The following PLEKHG3 variants were observed in gnomAD, a reference collection of about 807,000 sequenced individuals.
The protein encoded by PLEKHG3 is pleckstrin homology domain-containing family G member 3.
Under a neutral mutation model 94.9 loss-of-function variants are expected in PLEKHG3, and 62 were observed. The ratio of observed to expected loss-of-function variants is 0.65; its 90% CI spans 0.53 to 0.81. The LOEUF (loss-of-function observed/expected upper bound fraction) is 0.81. Ranked by LOEUF, PLEKHG3 falls within the 30% of genes least tolerant of loss-of-function variation. The probability of loss-of-function intolerance (pLI) is 0.00; values close to 1 mark genes in which losing one functional copy is unlikely to be tolerated. For missense variants in PLEKHG3, 1,461 were observed against 1,619.3 expected, an observed-to-expected ratio of 0.90 and a Z score of 1.68; for synonymous variants, 614 against 654.0, an observed-to-expected ratio of 0.94 and a Z score of 0.93.
At position 64,741,454 on chromosome 14, in the gene PLEKHG3, G is replaced by A. The variant is rs766416757; in HGVS notation, c.1937G>A (p.Gly646Asp). The A allele has an allele frequency of 1.2e-5, 20 of 1,612,620 alleles. 1 individual carries two copies. In the South Asian group the frequency reaches 2.1e-4, roughly 17 times the overall value. Residue 646 changes from glycine to aspartate, a missense_variant, in exon 16 of 17, where the codon GGC becomes GAC. Coordinates refer to ENST00000247226, the MANE Select transcript of PLEKHG3 (RefSeq NM_001308147.2). Reference protein sequence around the residue: ...SRSSSVLSLEGSEKGLARHGS... With the variant: ...SRSSSVLSLEDSEKGLARHGS... ...AGCAGCAGCGTGCTCAGCCTGGAGG[G>A]CAGCGAGAAGGGCCTGGCCCGGCAT...
In PLEKHG3 at chr14:64,727,784, C is replaced by T. The variant is rs376705238; in HGVS notation, c.153C>T (p.Gly51=). The part of the protein sequence containing the change: ...SSEAPAKNGA[G]SLRSRHLPNS... Reference sequence around the variant, plus strand: ...AGGCTCCCGCCAAGAATGGGGCAGGCTCCCTGAGAAGCCGGCATCTGCCCA... The same window carrying T: ...AGGCTCCCGCCAAGAATGGGGCAGGTTCCCTGAGAAGCCGGCATCTGCCCA... The change falls in exon 2 of 17, where the codon GGC becomes GGT. Residue 51 remains glycine (G), a synonymous_variant. Transcript: ENST00000247226. The surrounding 1 kb of genome is among the most constrained non-coding windows in gnomAD (Gnocchi z 6.0). 10 of 1,610,312 alleles carry T rather than the reference C, an allele frequency of 6.2e-6. No homozygotes were observed. Among genetic ancestry groups the T allele is most frequent in the African/African-American group, 5.3e-5 (4 of 74,918 alleles).
At position 64,733,027 on chromosome 14, in the gene PLEKHG3, G is replaced by A. The variant is rs990434436; in HGVS notation, c.1345+126G>A. On this transcript the variant is annotated intron_variant, in intron 12 of 16. Coordinates refer to ENST00000247226, the MANE Select transcript of PLEKHG3 (RefSeq NM_001308147.2). ...CGGAAACCCTGGGAAAGGCTAGAGCGGGGCTGGACACACACCTGGGGCTCA... is the reference window on the plus strand; with the variant it reads ...CGGAAACCCTGGGAAAGGCTAGAGCAGGGCTGGACACACACCTGGGGCTCA... 7 of 635,860 alleles carry A rather than the reference G, an allele frequency of 1.1e-5. No homozygotes were observed. The East Asian group carries it at 1.1e-4, about 10-fold the overall frequency. 39.4% of individuals were successfully genotyped at this position (635,860 alleles called of 1,614,324 possible). A position where few individuals can be genotyped will look rare whatever the true frequency, so the allele number is the denominator to read the frequency against.
rs749971680 is a variant in PLEKHG3 at position 64,741,612 on chromosome 14, C to T, written c.2095C>T (p.Arg699Trp). Residue 699 changes from arginine (R) to tryptophan (W), a missense_variant, in exon 16 of 17, where the codon CGG becomes TGG. Physicochemically the swap from Arg to Trp is moderately radical, Grantham distance 101 (BLOSUM62 -3). Coordinates refer to ENST00000247226, the MANE Select transcript of PLEKHG3 (RefSeq NM_001308147.2). ...CCCAGGCTGCCCAGTGGAGCCTGAC[C>T]GGTCTTCCTGCAAGAAGAAGGAATC... ...PSPGCPVEPD[R>W]SSCKKKESAL... The T allele has an allele frequency of 2.2e-5, 36 of 1,612,798 alleles. No homozygotes were observed. The South Asian group carries it at 2.3e-4, about 10-fold the overall frequency.
rs1409947945 is a variant in PLEKHG3, at chr14:64,742,423, A to G, written c.2906A>G (p.Gln969Arg). 2.5e-6 allele frequency: 4 copies of G among 1,611,320 alleles called. No individual in the cohort carries two copies. The highest frequency in any genetic ancestry group is 1.3e-5 in the African/African-American group (1 of 74,908). Residue 969 changes from glutamine (Q) to arginine (R), a missense_variant, in exon 16 of 17, where the codon CAG (glutamine) becomes CGG (arginine). Gln to Arg is a conservative substitution (Grantham distance 43). Coordinates refer to ENST00000247226, the MANE Select transcript of PLEKHG3 (RefSeq NM_001308147.2). ...AAGAGCCCCACTGTGCCCTGTCTAC[A>G]GGAAGAGGCTGGAGAGCCATTAGGT... Reference protein sequence around the residue: ...DGKSPTVPCLQEEAGEPLGGK... With the variant: ...DGKSPTVPCLREEAGEPLGGK...
intron 14 of PLEKHG3, chr14:64,737,977 TGGAGGAGGAGGA>T (rs376123381): frequency 7.5e-6 from 9 of 1,195,832 alleles, no homozygotes; most frequent in Non-Finnish European, 9.7e-6. Context: ...GAGGAGGTGG[TGGAGGAGGAGGA>T]GGAGGAGGAG....
chr14:64,719,508 C>T (rs2081227090), intron 1 of PLEKHG3, among the ~76,000 whole-genome samples: 1 of 151,896 alleles, frequency 6.6e-6, no homozygotes, highest in African/African-American at 2.4e-5. Flanking sequence ...TTGCCCAAGG[C>T]CACATACAGC....
rs142524328 is a variant in PLEKHG3 at position 64,742,015 on chromosome 14, G to A, written c.2498G>A (p.Gly833Asp). The A allele has an allele frequency of 3.8e-5, 60 of 1,582,636 alleles. No individual in the cohort carries two copies. Among genetic ancestry groups the A allele is most frequent in the Non-Finnish European group, 5.1e-5 (59 of 1,164,102 alleles). The change falls in exon 16 of 17, where the codon GGC becomes GAC. Residue 833 changes from glycine (G) to aspartate (D), a missense_variant. Physicochemically the swap from Gly to Asp is moderately conservative, Grantham distance 94. This residue lies in a region of PLEKHG3 where 1,201 missense variants were observed against 1,295.5 expected (regional missense o/e 0.93). Coordinates refer to ENST00000247226, the MANE Select transcript of PLEKHG3 (RefSeq NM_001308147.2). ...GGAGGGAGCCCTGGGAAGGGGCCAG[G>A]CCAGGGCCAGGCCAATGGCTTTGAC... ...SSGGSPGKGP[G>D]QGQANGFDLH...
chr14:64,716,470 C>CACACACACA lies in PLEKHG3; in HGVS notation c.-39-11122_-39-11114dup. Among the ~76,000 whole-genome samples the CACACACACA allele has an allele frequency of 7.6e-6, 1 of 130,898 alleles. No homozygotes were observed. Among genetic ancestry groups the CACACACACA allele is most frequent in the South Asian group, 2.5e-4 (1 of 3,976 alleles). The allele number at this position is 130,898 out of a possible 152,430, so 85.9% of individuals were successfully genotyped here. A position where few individuals can be genotyped will look rare whatever the true frequency, so the allele number is the denominator to read the frequency against. ...CACACACACACACACACACACAACA[C>CACACACACA]ACACACACACAACACACACACACAC... On this transcript the variant is annotated intron_variant, in intron 1 of 16. Transcript: ENST00000247226. This position sits in a 1 kb window ranked among gnomAD's most constrained non-coding sequence, Gnocchi z 5.0.
chr14:64,741,931 A>G lies in PLEKHG3; in HGVS notation c.2414A>G (p.Asp805Gly). The change falls in exon 16 of 17, where the codon GAT becomes GGT. Residue 805 changes from aspartate to glycine, a missense_variant. By Grantham distance (94) the Asp-to-Gly change is moderately conservative. Transcript: ENST00000247226. ...AAAGGGGACCCACCTCCCATCTCAG[A>G]TGCTGAGTTCCGCCCATCTTCAGAA... ...AVKGDPPPIS[D>G]AEFRPSSEIV... is the part of the protein sequence containing the mutation. 3 of 1,586,914 alleles carry G rather than the reference A, an allele frequency of 1.9e-6. No homozygotes were observed. Among genetic ancestry groups the G allele is most frequent in the Non-Finnish European group, 1.7e-6 (2 of 1,168,188 alleles).
At chr14:64,742,536 A>G in intron 16 of PLEKHG3, 81 bp downstream of exon 16, 1 of 1,055,174 alleles carries the variant, frequency 9.5e-7, no homozygotes, top group Non-Finnish European at 1.3e-6. Flanking sequence ...CTCCTCGGGG[A>G]AAGTGACCTC....
Position 64,727,915 on chromosome 14 carries a change from G to A in PLEKHG3, c.284G>A (p.Gly95Asp), listed in dbSNP as rs1225811724. ...GPAHHKLSYL[G>D]RVVREIVETE... ...GCACACCACAAGCTCAGCTACCTGG[G>A]CCGAGTGGTGCGGGAGATCGTGGAG... The change falls in exon 2 of 17, where the codon GGC becomes GAC. Residue 95 changes from glycine to aspartate, a missense_variant. This residue lies in a region of PLEKHG3 where 253 missense variants were observed against 297.8 expected (regional missense o/e 0.85). Transcript: ENST00000247226. This position sits in a 1 kb window ranked among gnomAD's most constrained non-coding sequence, Gnocchi z 6.0. The A allele has an allele frequency of 6.2e-7, 1 of 1,611,518 alleles. No homozygotes were observed. Among genetic ancestry groups the A allele is most frequent in the Non-Finnish European group, 8.5e-7 (1 of 1,178,372 alleles).
chr14:64,717,560 G>T lies in PLEKHG3; in HGVS notation c.-39-10033G>T. 6.6e-6 allele frequency among the ~76,000 whole-genome samples: 1 copy of T among 152,168 alleles called. No homozygotes were observed. Among genetic ancestry groups the T allele is most frequent in the Middle Eastern group, 3.2e-3 (1 of 316 alleles). Reference sequence around the variant, plus strand: ...GAGAGATTTCTTCCATTTAAGAACTGGCATCTCAGTTTTCTAGGGTAGGTG... The same window carrying T: ...GAGAGATTTCTTCCATTTAAGAACTTGCATCTCAGTTTTCTAGGGTAGGTG... On this transcript the variant is annotated intron_variant, in intron 1 of 16. Coordinates refer to ENST00000247226, the MANE Select transcript of PLEKHG3 (RefSeq NM_001308147.2). This position sits in a 1 kb window ranked among gnomAD's most constrained non-coding sequence, Gnocchi z 4.7.
In PLEKHG3 at chr14:64,726,479, A is replaced by G. The variant is rs992227339; in HGVS notation, c.-39-1114A>G. On this transcript the variant is annotated intron_variant, in intron 1 of 16. Coordinates refer to ENST00000247226, the MANE Select transcript of PLEKHG3 (RefSeq NM_001308147.2). This position sits in a 1 kb window ranked among gnomAD's most constrained non-coding sequence, Gnocchi z 5.1. The stretch of plus-strand genomic sequence containing the variant: ...CATTGGTGAGCTCTAAGGGGTGGGC[A>G]TGGGTGTTGCATGGGTGTCCCTGTC... 6.6e-5 allele frequency among the ~76,000 whole-genome samples: 10 copies of G among 152,164 alleles called. No individual in the cohort carries two copies. The highest frequency in any genetic ancestry group is 2.4e-4 in the African/African-American group (10 of 41,436).
rs3063746 is a variant in PLEKHG3, at chr14:64,709,729, C to CTGTGTGTGTG, written c.-40+5053_-40+5062dup. On this transcript the variant is annotated intron_variant, in intron 1 of 16. Coordinates refer to ENST00000247226, the MANE Select transcript of PLEKHG3 (RefSeq NM_001308147.2). The stretch of plus-strand genomic sequence containing the variant: ...ATCCTTTACTTCCTAGGCTGTGAGA[C>CTGTGTGTGTG]TGTGTGTGTGTGTGTGTGTGTGTGT... 3.0e-3 allele frequency among the ~76,000 whole-genome samples: 438 copies of CTGTGTGTGTG among 144,096 alleles called. 4 individuals carry two copies. Among genetic ancestry groups the CTGTGTGTGTG allele is most frequent in the African/African-American group, 0.011 (417 of 39,108 alleles). 94.5% of individuals were successfully genotyped at this position (144,096 alleles called of 152,430 possible). A position where few individuals can be genotyped will look rare whatever the true frequency, so the allele number is the denominator to read the frequency against.
At position 64,727,958 on chromosome 14, in the gene PLEKHG3, A is replaced by G. The variant is rs770576811; in HGVS notation, c.327A>G (p.Val109=). The change falls in exon 2 of 17, where the codon GTA becomes GTG. Residue 109 remains valine (V), a synonymous_variant. Transcript: ENST00000247226. This position sits in a 1 kb window ranked among gnomAD's most constrained non-coding sequence, Gnocchi z 6.0. ...TCGTGGAGACAGAGCGCATGTACGT[A>G]CAGGACCTGCGCAGCATCGTGGAGG... is the stretch of plus-strand genomic sequence containing the variant. ...REIVETERMY[V]QDLRSIVEDY... 3 of 1,591,382 alleles carry G rather than the reference A, an allele frequency of 1.9e-6. No homozygotes were observed. The highest frequency in any genetic ancestry group is 2.6e-6 in the Non-Finnish European group (3 of 1,162,986).
intron 1 of PLEKHG3, among the ~76,000 whole-genome samples, chr14:64,719,572 T>C (rs1262965612): frequency 6.6e-6 from 1 of 152,102 alleles, no homozygotes; most frequent in East Asian, 1.9e-4. Flanking sequence ...CTCCACAGCC[T>C]GTGGATGAGT....
Position 64,749,354 on chromosome 14 carries a change from G to C in PLEKHG3, c.*5651G>C. 1 of 1,610,472 alleles carries C rather than the reference G, an allele frequency of 6.2e-7. No homozygotes were observed. Among genetic ancestry groups the C allele is most frequent in the Non-Finnish European group, 8.5e-7 (1 of 1,179,612 alleles). ...TGAATCTCTTCTCCTTGTCTTTCTT[G>C]CCGAGGCTGGCGTCGGGGCCGGAGA... On this transcript the variant is annotated 3_prime_UTR_variant, in exon 17 of 17. Coordinates refer to ENST00000247226, the MANE Select transcript of PLEKHG3 (RefSeq NM_001308147.2). This position sits in a 1 kb window ranked among gnomAD's most constrained non-coding sequence, Gnocchi z 4.7.
Position 64,747,207 on chromosome 14 carries a change from A to AG in PLEKHG3, c.*3507dup, listed in dbSNP as rs1346335362. On this transcript the variant is annotated 3_prime_UTR_variant, in exon 17 of 17. Coordinates refer to ENST00000247226, the MANE Select transcript of PLEKHG3 (RefSeq NM_001308147.2). ...CTGATTTGGCACACGTGGAAGGGGG[A>AG]GGGTGGGCCCTTGTCCCTAGGCTCC... 8 of 152,436 alleles carry AG rather than the reference A, an allele frequency of 5.2e-5. No homozygotes were observed. The highest frequency in any genetic ancestry group is 1.3e-4 in the Admixed American group (2 of 15,300). The allele number at this position is 152,436 out of a possible 1,614,324, so 9.4% of individuals were successfully genotyped here.
chr14:64,729,389 A>G (rs947571557), intron 3 of PLEKHG3, among the ~76,000 whole-genome samples: 1 of 152,032 alleles, frequency 6.6e-6, no homozygotes, highest in African/African-American at 2.4e-5. Context: ...CCTGTGGAAG[A>G]GAACCTTCCC....
Sources: allele counts gnomAD v4.1 joint callset (sites outside exome capture counted in the v4.1 genomes callset), GRCh38; gene constraint gnomAD v4.1.1; regional missense constraint gnomAD v4.1.1; non-coding constraint Gnocchi (gnomAD v3.1); transcripts MANE v1.5; gene names NCBI Gene and HGNC (gene_info 2026-07-23, HGNC 2026-07-21).